Variants in AIDA observed in about 807,000 individuals in gnomAD.
AIDA encodes axin interactor, dorsalization associated, also known as axin interactor, dorsalization-associated protein.
A neutral mutation model predicts 42.7 loss-of-function variants in AIDA; 18 were observed. The ratio of observed to expected loss-of-function variants is 0.42; its 90% CI spans 0.29 to 0.63. The LOEUF is 0.63. Among genes scored for constraint, AIDA ranks in the 20% least tolerant of loss-of-function variants. The pLI is 0.19. For missense variants in AIDA, 250 were observed against 354.1 expected, an observed-to-expected ratio of 0.71 and a Z score of 2.36; for synonymous variants, 104 against 122.9, an observed-to-expected ratio of 0.85 and a Z score of 1.02.
At chr1:222,700,658 G>T (rs1339544363) in intron 2 of AIDA, among the ~76,000 whole-genome samples, 1 of 151,884 alleles carries the variant, frequency 6.6e-6, no homozygotes, top group East Asian at 2.0e-4. Flanking sequence ...GGGAGGCTGA[G>T]GCAGGAGAAT....
chr1:222,704,367 A>G (rs538238725), intron 1 of AIDA, among the ~76,000 whole-genome samples: 1 of 152,316 alleles, frequency 6.6e-6, no homozygotes, highest in South Asian at 2.1e-4. Context: ...GTTTACACAC[A>G]AAAAAACTGA....
intron 4 of AIDA, among the ~76,000 whole-genome samples, chr1:222,689,479 GTGTA>G (rs1553294351): frequency 0.012 from 531 of 45,174 alleles, 4 homozygotes; most frequent in Middle Eastern, 0.056. Context: ...ATGTGTGTGT[GTGTA>G]TATATATATA....
intron 1 of AIDA, 181 bp downstream of exon 1, chr1:222,712,027 A>G (rs1656079236): frequency 2.4e-6 from 2 of 824,830 alleles, no homozygotes; most frequent in Non-Finnish European, 3.8e-6. Flanking sequence ...CAGAGAGCGG[A>G]GCCGTTGTCC....
intron 8 of AIDA, among the ~76,000 whole-genome samples, chr1:222,672,748 C>A (rs1276946264): frequency 6.6e-6 from 1 of 152,198 alleles, no homozygotes; most frequent in Non-Finnish European, 1.5e-5. Flanking sequence ...TCAGAAACTG[C>A]AACTGAACCC....
rs544753322 is a variant in AIDA at position 222,674,831 on chromosome 1, A to G, written c.583+1265T>C. Among the ~76,000 whole-genome samples, 29 of 152,342 alleles carry G rather than the reference A, an allele frequency of 1.9e-4. No homozygotes were observed. The South Asian group carries it at 6.0e-3, about 32-fold the overall frequency. The stretch of plus-strand genomic sequence containing the variant: ...AACAATATAGTACATTGATTGTTTC[A>G]GTTCTTAAAGATATTTACAAAAACA... On this transcript the variant is annotated intron_variant, in intron 7 of 9. Transcript: ENST00000340020.
At chr1:222,685,504 A>C (rs1664728041) in intron 6 of AIDA, among the ~76,000 whole-genome samples, 1 of 152,254 alleles carries the variant, frequency 6.6e-6, no homozygotes, top group Non-Finnish European at 1.5e-5. Context: ...GAAGAAAGCT[A>C]TCTGAACAGC....
intron 1 of AIDA, among the ~76,000 whole-genome samples, chr1:222,709,154 C>T (rs561093575): frequency 1.1e-4 from 17 of 152,194 alleles, no homozygotes; most frequent in Admixed American, 5.9e-4. Context: ...CAACTGTAGC[C>T]GGGCACGGTG....
intron 6 of AIDA, among the ~76,000 whole-genome samples, chr1:222,677,351 A>G (rs1219929726): frequency 6.6e-6 from 1 of 152,166 alleles, no homozygotes; most frequent in Non-Finnish European, 1.5e-5. Context: ...ATACATATTC[A>G]TAACATCTGC....
chr1:222,693,768 A>G, intron 4 of AIDA, 21 bp downstream of exon 4: 1 of 1,587,382 alleles, frequency 6.3e-7, no homozygotes, highest in Non-Finnish European at 8.6e-7. Context: ...GTATCACAAA[A>G]AAATATAAAC....
At chr1:222,696,181 G>A (rs1655518687) in intron 2 of AIDA, among the ~76,000 whole-genome samples, 1 of 152,070 alleles carries the variant, frequency 6.6e-6, no homozygotes, top group Non-Finnish European at 1.5e-5. Context: ...ATTTATATGT[G>A]GCAACTGCAA....
At chr1:222,699,590 T>C (rs1303470029) in intron 2 of AIDA, among the ~76,000 whole-genome samples, 1 of 152,114 alleles carries the variant, frequency 6.6e-6, no homozygotes, top group African/African-American at 2.4e-5. Context: ...TCAAATAACA[T>C]CTATTAATTT....
intron 7 of AIDA, among the ~76,000 whole-genome samples, 197 bp from the exon 8 acceptor site, chr1:222,673,632 GC>G (rs1558206522): frequency 6.6e-6 from 1 of 151,900 alleles, no homozygotes; most frequent in Non-Finnish European, 1.5e-5. Context: ...AAAAAAATTA[GC>G]CGGGTGTGGT....
chr1:222,675,964 T>C, intron 7 of AIDA, 132 bp downstream of exon 7: 2 of 1,000,656 alleles, frequency 2.0e-6, no homozygotes, highest in Non-Finnish European at 2.8e-6. Flanking sequence ...CTTTGCCTCA[T>C]GATAGAATGA....
Position 222,676,089 on chromosome 1 carries a change from C to G in AIDA, c.583+7G>C, listed in dbSNP as rs763465487. ...CTGAGAAAAAAAAAGTAAACAGAGT[C>G]ACTTACCCTTTACACTAACTGTAAT... On this transcript the variant is annotated splice_region_variant and intron_variant, in intron 7 of 9. Transcript: ENST00000340020. 1 of 1,559,352 alleles carries G rather than the reference C, an allele frequency of 6.4e-7. No individual in the cohort carries two copies. Among genetic ancestry groups the G allele is most frequent in the Non-Finnish European group, 8.6e-7 (1 of 1,158,148 alleles).
At chr1:222,670,706 G>C (rs943788770) in intron 8 of AIDA, among the ~76,000 whole-genome samples, 2 of 152,132 alleles carry the variant, frequency 1.3e-5, no homozygotes, top group Non-Finnish European at 2.9e-5. Context: ...TTCAATCTTG[G>C]GGGTATTTTG....
At chr1:222,678,963 C>T (rs550002280) in intron 6 of AIDA, among the ~76,000 whole-genome samples, 7 of 152,138 alleles carry the variant, frequency 4.6e-5, no homozygotes, top group South Asian at 2.1e-4. Context: ...TCCTGAAAGA[C>T]GGGATGAGTA....
chr1:222,675,997 A>G (rs1259426595), intron 7 of AIDA, 99 bp downstream of exon 7: 2 of 1,366,844 alleles, frequency 1.5e-6, no homozygotes, highest in Non-Finnish European at 1.9e-6. Context: ...TGTCACATAC[A>G]TAAGACTCCC....
At chr1:222,693,909 G>C (rs1655444723) in intron 3 of AIDA, 66 bp from the exon 4 acceptor site, 4 of 1,295,254 alleles carry the variant, frequency 3.1e-6, no homozygotes, top group Non-Finnish European at 4.4e-6. Context: ...TGTCTTTTAA[G>C]TGGCAAGAAC....
chr1:222,692,423 C>T (rs1655397114), intron 4 of AIDA, among the ~76,000 whole-genome samples: 2 of 152,162 alleles, frequency 1.3e-5, no homozygotes, highest in South Asian at 4.1e-4. Flanking sequence ...GACACACACA[C>T]AAATATCAAC....
Sources: allele counts gnomAD v4.1 joint callset (sites outside exome capture counted in the v4.1 genomes callset), GRCh38; gene constraint gnomAD v4.1.1; transcripts MANE v1.5; gene names NCBI Gene and HGNC (gene_info 2026-07-23, HGNC 2026-07-21).